Variants in TNRC6C observed in about 807,000 individuals in gnomAD.
The protein encoded by TNRC6C is trinucleotide repeat-containing gene 6C protein.
TNRC6C carries 20 observed loss-of-function variants against 153.7 expected under a neutral mutation model. The ratio of observed to expected loss-of-function variants is 0.13; its 90% CI spans 0.09 to 0.19. TNRC6C has a LOEUF of 0.19. Among genes scored for constraint, TNRC6C ranks in the 10% least tolerant of loss-of-function variants. The pLI, the probability that TNRC6C is intolerant of heterozygous loss-of-function variation, is 1.00. For missense variants in TNRC6C, 1,987 were observed against 2,172.0 expected, an observed-to-expected ratio of 0.91 and a Z score of 1.69; for synonymous variants, 811 against 841.4, an observed-to-expected ratio of 0.96 and a Z score of 0.63.
chr17:78,036,173 C>T (rs916752161), intron 2 of TNRC6C, among the ~76,000 whole-genome samples: 1 of 152,198 alleles, frequency 6.6e-6, no homozygotes, highest in African/African-American at 2.4e-5. Flanking sequence ...CTTTCAGCTT[C>T]GCACACGAAT....
At chr17:78,022,983 G>A (rs893508365) in intron 1 of TNRC6C, among the ~76,000 whole-genome samples, 2 of 152,074 alleles carry the variant, frequency 1.3e-5, no homozygotes, top group Non-Finnish European at 2.9e-5. Context: ...GTAATCTAGA[G>A]ATTATTTAAA....
chr17:78,060,468 C>CT (rs975826787), intron 3 of TNRC6C, among the ~76,000 whole-genome samples: 4,732 of 125,954 alleles, frequency 0.038, 168 homozygotes, highest in Non-Finnish European at 0.051. Flanking sequence ...AATCGTTTAT[C>CT]TTTTTTTTTT....
chr17:78,104,628 C>T lies in TNRC6C; in HGVS notation c.4856C>T (p.Ala1619Val), dbSNP rs899107725. The T allele has an allele frequency of 6.5e-6, 10 of 1,547,742 alleles. No individual in the cohort carries two copies. The highest frequency in any genetic ancestry group is 2.4e-5 in the East Asian group (1 of 40,914). The change falls in exon 20 of 20, where the codon GCG (alanine) becomes GTG (valine). Residue 1619 changes from alanine to valine, a missense_variant. Transcript: ENST00000301624. This position sits in a 1 kb window ranked among gnomAD's most constrained non-coding sequence, Gnocchi z 6.2. ...TCCAGCCAGCCGCGGCTCAGCGCAG[C>T]GGGCAGCTCCCATGGCCTGGTACGC... is the stretch of plus-strand genomic sequence containing the variant.
At chr17:77,977,586 C>T (rs186709363) in intron 1 of TNRC6C, among the ~76,000 whole-genome samples, 4 of 152,130 alleles carry the variant, frequency 2.6e-5, no homozygotes, top group African/African-American at 7.2e-5. Flanking sequence ...GTCCCAGATC[C>T]CTTTGAGAAT....
intron 1 of TNRC6C, among the ~76,000 whole-genome samples, chr17:77,992,909 C>T (rs1351762233): frequency 6.6e-6 from 1 of 152,056 alleles, no homozygotes; most frequent in Non-Finnish European, 1.5e-5. Flanking sequence ...ACGTGTTAAT[C>T]CATTAGTAGA....
chr17:78,020,737 A>C (rs2071816385), intron 1 of TNRC6C, among the ~76,000 whole-genome samples: 1 of 152,254 alleles, frequency 6.6e-6, no homozygotes, highest in Non-Finnish European at 1.5e-5. Context: ...AAAGCAACAG[A>C]AAAATTGTTA....
In TNRC6C at chr17:78,009,856, A is replaced by C. The variant is rs573571758; in HGVS notation, c.-546+4777A>C. On this transcript the variant is annotated intron_variant, in intron 1 of 19. Coordinates refer to ENST00000301624, the Ensembl canonical transcript of TNRC6C. ...GCGTGAGCCACTGCCCCTGGCCTGA[A>C]TTATGATTTTTAAGTCATATACATC... 6.8e-5 allele frequency among the ~76,000 whole-genome samples: 10 copies of C among 146,836 alleles called. No homozygotes were observed. The East Asian group carries it at 2.1e-3, about 30-fold the overall frequency.
chr17:77,999,739 G>A (rs1369362004), upstream of TNRC6C, among the ~76,000 whole-genome samples: 2 of 152,216 alleles, frequency 1.3e-5, no homozygotes, highest in African/African-American at 4.8e-5. Flanking sequence ...TGGAGGCTCT[G>A]CTGGGTAGCG....
chr17:78,076,143 G>A (rs189958183), intron 8 of TNRC6C, among the ~76,000 whole-genome samples: 1 of 151,932 alleles, frequency 6.6e-6, no homozygotes, highest in Non-Finnish European at 1.5e-5. Context: ...TTGAACCCGG[G>A]AGGCGGAGGT....
intron 1 of TNRC6C, among the ~76,000 whole-genome samples, chr17:78,010,898 C>T (rs763002626): frequency 1.3e-5 from 2 of 152,088 alleles, no homozygotes; most frequent in African/African-American, 2.4e-5. Flanking sequence ...GGTACATGAA[C>T]GTATAAGTTC....
chr17:78,093,039 T>A, exon 15 of TNRC6C: 1 of 1,613,796 alleles, frequency 6.2e-7, no homozygotes, highest in Non-Finnish European at 8.5e-7. Flanking sequence ...CAGCCAGTCC[T>A]CCCGTAGCTG....
At chr17:78,053,486 G>A (rs1317134867) in intron 3 of TNRC6C, among the ~76,000 whole-genome samples, 2 of 151,922 alleles carry the variant, frequency 1.3e-5, no homozygotes, top group African/African-American at 4.8e-5. Flanking sequence ...AAAATTAGCC[G>A]GGCATGGTGG....
intron 1 of TNRC6C, among the ~76,000 whole-genome samples, chr17:78,025,655 T>C (rs979849721): frequency 1.3e-5 from 2 of 152,072 alleles, no homozygotes; most frequent in African/African-American, 2.4e-5. Context: ...CAGGAAAATA[T>C]ATATATATTT....
intron 2 of TNRC6C, among the ~76,000 whole-genome samples, chr17:78,041,890 A>C (rs145654736): frequency 1.6e-3 from 250 of 152,364 alleles, no homozygotes; most frequent in African/African-American, 5.7e-3. Flanking sequence ...GAACACATTT[A>C]CTATTTGTCA....
At chr17:78,086,903 C>A (rs951509681) in exon 13 of TNRC6C, 1 of 1,612,488 alleles carries the variant, frequency 6.2e-7, no homozygotes, top group Non-Finnish European at 8.5e-7. Flanking sequence ...AGCACCAGCG[C>A]CAGCTGGCCC....
At chr17:78,030,946 A>C (rs1303845426) in intron 1 of TNRC6C, among the ~76,000 whole-genome samples, 1 of 151,992 alleles carries the variant, frequency 6.6e-6, no homozygotes, top group Non-Finnish European at 1.5e-5. Context: ...TAAAAATATA[A>C]AAAGTATCTG....
upstream of TNRC6C, among the ~76,000 whole-genome samples, chr17:78,002,084 GT>G (rs372163948): frequency 1.2e-3 from 170 of 146,834 alleles, no homozygotes; most frequent in East Asian, 4.6e-3. Flanking sequence ...TGATACATTT[GT>G]TTTTTTTTTC....
intron 8 of TNRC6C, 125 bp from the exon 11 acceptor site, chr17:78,077,060 T>G (rs2073097516): frequency 3.4e-5 from 37 of 1,094,338 alleles, no homozygotes; most frequent in Non-Finnish European, 4.5e-5. Flanking sequence ...CATTCCCTTA[T>G]CCACACTTTT....
chr17:78,041,357 G>A (rs928613237), intron 2 of TNRC6C, among the ~76,000 whole-genome samples: 1 of 152,164 alleles, frequency 6.6e-6, no homozygotes, highest in Non-Finnish European at 1.5e-5. Context: ...CCCTACTGTG[G>A]TTTCTCTCTG....
Sources: allele counts gnomAD v4.1 joint callset (sites outside exome capture counted in the v4.1 genomes callset), GRCh38; gene constraint gnomAD v4.1.1; non-coding constraint Gnocchi (gnomAD v3.1); transcripts MANE v1.5; gene names NCBI Gene and HGNC (gene_info 2026-07-23, HGNC 2026-07-21).